Variants in TUNAR observed in about 807,000 individuals in gnomAD.
TUNAR encodes transmembrane neural differentiation associated intracellular calcium regulator.
chr14:95,899,005 A>T (rs760048073), intron 2 of TUNAR, among the ~76,000 whole-genome samples: 20 of 152,192 alleles, frequency 1.3e-4, no homozygotes, highest in Non-Finnish European at 2.2e-4. Flanking sequence ...CTGGTAACCA[A>T]ACCCCAGCCT....
At chr14:95,923,882 A>T (rs906232692) in exon 3 of TUNAR, 2 of 152,090 alleles carry the variant, frequency 1.3e-5, no homozygotes, top group Non-Finnish European at 2.9e-5. Context: ...CCTTAGATGC[A>T]CCCTATCTTT....
intron 2 of TUNAR, among the ~76,000 whole-genome samples, chr14:95,877,650 C>A (rs1888910422): frequency 6.6e-6 from 1 of 152,174 alleles, no homozygotes; most frequent in Non-Finnish European, 1.5e-5. Context: ...GATTGGAAAC[C>A]AGGGTACCCT....
chr14:95,892,415 A>T (rs1038055745), intron 2 of TUNAR, among the ~76,000 whole-genome samples: 1 of 152,256 alleles, frequency 6.6e-6, no homozygotes, highest in African/African-American at 2.4e-5. Flanking sequence ...CAGTGCGAGC[A>T]CATTGTGTGT....
At chr14:95,877,995 G>A (rs1888918550) in intron 2 of TUNAR, among the ~76,000 whole-genome samples, 1 of 152,214 alleles carries the variant, frequency 6.6e-6, no homozygotes, top group African/African-American at 2.4e-5. Flanking sequence ...CTAGGCCTCA[G>A]AACTGCATCC....
chr14:95,917,658 G>C (rs1419940298), intron 2 of TUNAR, among the ~76,000 whole-genome samples: 1 of 151,946 alleles, frequency 6.6e-6, no homozygotes, highest in African/African-American at 2.4e-5. Context: ...TTTTCATGTT[G>C]GTCTGCTTTT....
At chr14:95,923,846 A>G (rs984280337) in exon 3 of TUNAR, 1 of 152,090 alleles carries the variant, frequency 6.6e-6, no homozygotes, top group Non-Finnish European at 1.5e-5. Flanking sequence ...TATCTCGGAG[A>G]TATAAAATGA....
intron 2 of TUNAR, among the ~76,000 whole-genome samples, chr14:95,900,050 A>G (rs770414736): frequency 3.3e-5 from 5 of 152,220 alleles, no homozygotes; most frequent in Non-Finnish European, 7.3e-5. Flanking sequence ...TGCTCCTTAA[A>G]TCACATGGAA....
chr14:95,877,690 C>A (rs1289188578), intron 2 of TUNAR, among the ~76,000 whole-genome samples: 1 of 152,184 alleles, frequency 6.6e-6, no homozygotes. Context: ...CCCTTTGTAA[C>A]AAACACACCT....
At chr14:95,898,268 T>C (rs1889295400) in intron 2 of TUNAR, among the ~76,000 whole-genome samples, 1 of 152,192 alleles carries the variant, frequency 6.6e-6, no homozygotes, top group East Asian at 1.9e-4. Context: ...TCTTTGTAGA[T>C]TATTTATTCT....
At chr14:95,890,221 A>G (rs779112031) in intron 2 of TUNAR, among the ~76,000 whole-genome samples, 7 of 152,192 alleles carry the variant, frequency 4.6e-5, no homozygotes, top group Non-Finnish European at 1.0e-4. Context: ...TGAAGGAGAA[A>G]TGAAGCCATC....
chr14:95,923,081 C>G, exon 3 of TUNAR: 2 of 397,844 alleles, frequency 5.0e-6, no homozygotes, highest in Non-Finnish European at 8.9e-6. Flanking sequence ...CACATACCAC[C>G]CAATCAAATG....
chr14:95,923,443 A>T (rs1595128665), exon 3 of TUNAR: 2 of 153,228 alleles, frequency 1.3e-5, no homozygotes, highest in Non-Finnish European at 1.5e-5. Flanking sequence ...CCATTCATCA[A>T]AAGTGTCTAA....
In TUNAR at chr14:95,923,217, G is replaced by C. The variant is rs537887935; in HGVS notation, c.*251G>C. The C allele has an allele frequency of 8.0e-5, 27 of 337,428 alleles. No individual in the cohort carries two copies. The Admixed American group carries it at 8.2e-4, about 10-fold the overall frequency. The allele number at this position is 337,428 out of a possible 1,614,324, so 20.9% of individuals were successfully genotyped here. A position where few individuals can be genotyped will look rare whatever the true frequency, so the allele number is the denominator to read the frequency against. ...AGGAACTCAACGTCTTTGGCAGGGG[G>C]CCCAGAAGAATGCTTGGAAGACCAG... On this transcript the variant is annotated 3_prime_UTR_variant, in exon 3 of 3. Coordinates refer to ENST00000678517, the Ensembl canonical transcript of TUNAR.
intron 2 of TUNAR, among the ~76,000 whole-genome samples, chr14:95,911,306 C>G (rs1321289241): frequency 6.6e-6 from 1 of 152,220 alleles, no homozygotes; most frequent in African/African-American, 2.4e-5. Context: ...TCCTACTGGC[C>G]TTTGATGTCT....
chr14:95,920,700 T>G (rs929284905), intron 2 of TUNAR, among the ~76,000 whole-genome samples: 2 of 152,130 alleles, frequency 1.3e-5, no homozygotes, highest in Non-Finnish European at 2.9e-5. Flanking sequence ...CCCAGCCCTT[T>G]CAGGGGCTCA....
intron 2 of TUNAR, among the ~76,000 whole-genome samples, chr14:95,907,334 C>G (rs1432578094): frequency 6.6e-6 from 1 of 152,192 alleles, no homozygotes; most frequent in Non-Finnish European, 1.5e-5. Flanking sequence ...TGCACAGTTG[C>G]AAGGGAAATG....
intron 2 of TUNAR, among the ~76,000 whole-genome samples, chr14:95,883,723 C>CCT (rs1555375482): frequency 1.5e-5 from 2 of 137,248 alleles, no homozygotes; most frequent in African/African-American, 2.7e-5. Context: ...GGCCAAGCCA[C>CCT]CCCCCCGCCG....
At chr14:95,916,142 T>G (rs1889601579) in intron 2 of TUNAR, among the ~76,000 whole-genome samples, 1 of 152,262 alleles carries the variant, frequency 6.6e-6, no homozygotes, top group Admixed American at 6.5e-5. Context: ...ATATTTAGAA[T>G]GTAAGTATAA....
intron 2 of TUNAR, among the ~76,000 whole-genome samples, chr14:95,919,439 T>G (rs1357837679): frequency 6.6e-6 from 1 of 152,244 alleles, no homozygotes; most frequent in East Asian, 1.9e-4. Context: ...CCAAGCATGG[T>G]GGCTCACACT....
Sources: gnomAD v4.1 joint callset for allele counts (sites outside exome capture counted in the v4.1 genomes callset) on GRCh38, gnomAD v4.1.1 for gene constraint, MANE v1.5 for transcripts, NCBI Gene and HGNC (gene_info 2026-07-23, HGNC 2026-07-21) for gene names.